MSRA: variants seen among roughly 807,000 people sequenced by gnomAD.
MSRA encodes mitochondrial peptide methionine sulfoxide reductase.
A neutral mutation model predicts 31.3 loss-of-function variants in MSRA; 54 were observed. The observed-to-expected ratio is 1.73, with a 90% CI of 1.39 to 2.17. MSRA has a LOEUF of 2.17. Among genes scored for constraint, MSRA ranks in the 30% most tolerant of loss-of-function variants. The probability of loss-of-function intolerance (pLI) is 0.00; values close to 1 mark genes in which losing one functional copy is unlikely to be tolerated. For missense variants in MSRA, 507 were observed against 300.9 expected, an observed-to-expected ratio of 1.69 and a Z score of -5.07; for synonymous variants, 169 against 116.5, an observed-to-expected ratio of 1.45 and a Z score of -2.90.
At chr8:10,423,372 C>T (rs1808929843) in intron 5 of MSRA, among the ~76,000 whole-genome samples, 1 of 152,198 alleles carries the variant, frequency 6.6e-6, no homozygotes. Context: ...TACCTAGGAA[C>T]CCCTGCCCCA....
At chr8:10,066,579 G>A (rs889736266) in intron 1 of MSRA, among the ~76,000 whole-genome samples, 2 of 152,164 alleles carry the variant, frequency 1.3e-5, no homozygotes, top group Non-Finnish European at 2.9e-5. Flanking sequence ...TGTTACCCAT[G>A]CTGGAGTGCA....
At chr8:10,250,744 T>C (rs1797873398) in intron 3 of MSRA, 2 of 461,532 alleles carry the variant, frequency 4.3e-6, no homozygotes, top group Admixed American at 3.6e-5. Context: ...ATATTTACTG[T>C]CAGGTGCTTA....
At chr8:10,175,100 C>T (rs1003620510) in intron 1 of MSRA, among the ~76,000 whole-genome samples, 4 of 152,156 alleles carry the variant, frequency 2.6e-5, no homozygotes, top group Non-Finnish European at 4.4e-5. Flanking sequence ...TAGCCCCTTT[C>T]CCACAACTTT....
At chr8:10,223,794 G>A (rs1810737565) in intron 2 of MSRA, among the ~76,000 whole-genome samples, 1 of 152,138 alleles carries the variant, frequency 6.6e-6, no homozygotes, top group African/African-American at 2.4e-5. Flanking sequence ...TCAAGACCAT[G>A]GTACAAAAGA....
At chr8:10,082,082 C>T (rs73526799) in intron 1 of MSRA, among the ~76,000 whole-genome samples, 9,295 of 151,984 alleles carry the variant, frequency 0.061, 932 homozygotes, top group African/African-American at 0.21. Context: ...GGTGTGCACC[C>T]GTAGTCCCAG....
intron 3 of MSRA, 103 bp downstream of exon 3, chr8:10,245,326 A>AAAAC: frequency 9.0e-7 from 1 of 1,114,400 alleles, no homozygotes; most frequent in Non-Finnish European, 1.3e-6. Flanking sequence ...TTTTTTTAAA[A>AAAAC]ATGTTTCTTC....
At chr8:10,293,797 C>G (rs752486911) in intron 3 of MSRA, among the ~76,000 whole-genome samples, 27 of 152,112 alleles carry the variant, frequency 1.8e-4, no homozygotes, top group Non-Finnish European at 2.2e-4. Context: ...CTGTGAGTCT[C>G]CTGATGACTG....
chr8:10,339,417 T>C (rs1403001695), intron 5 of MSRA, among the ~76,000 whole-genome samples: 10 of 152,156 alleles, frequency 6.6e-5, no homozygotes, highest in Admixed American at 6.5e-4. Flanking sequence ...TGGATCTATT[T>C]AGATGTCAAC....
intron 1 of MSRA, among the ~76,000 whole-genome samples, chr8:10,200,849 C>G (rs533838536): frequency 1.3e-5 from 2 of 152,154 alleles, no homozygotes; most frequent in African/African-American, 2.4e-5. Context: ...TCTCAGAGCC[C>G]CTGCCCCAGA....
chr8:10,196,772 A>G (rs1320374068), intron 1 of MSRA, among the ~76,000 whole-genome samples: 1 of 151,506 alleles, frequency 6.6e-6, no homozygotes, highest in Non-Finnish European at 1.5e-5. Context: ...GGGTTTCACC[A>G]TGTTGGCCAG....
chr8:10,116,668 A>G (rs1034646577), intron 1 of MSRA, among the ~76,000 whole-genome samples: 1 of 152,072 alleles, frequency 6.6e-6, no homozygotes, highest in African/African-American at 2.4e-5. Flanking sequence ...GTCATTGTAG[A>G]TTTTACATAT....
chr8:10,158,954 G>C (rs898553622), intron 1 of MSRA, among the ~76,000 whole-genome samples: 3 of 152,150 alleles, frequency 2.0e-5, no homozygotes, highest in Non-Finnish European at 4.4e-5. Flanking sequence ...TTGTAATTTT[G>C]ATTTGTATTT....
At chr8:10,213,051 C>T (rs1274180678) in intron 2 of MSRA, among the ~76,000 whole-genome samples, 1 of 152,142 alleles carries the variant, frequency 6.6e-6, no homozygotes, top group Non-Finnish European at 1.5e-5. Flanking sequence ...TCCAATTATA[C>T]TCTTAGTTAT....
intron 1 of MSRA, among the ~76,000 whole-genome samples, chr8:10,119,477 C>A (rs934345313): frequency 1.3e-5 from 2 of 152,120 alleles, no homozygotes; most frequent in African/African-American, 4.8e-5. Context: ...TGATTGAAGT[C>A]TGGAGTGATT....
At chr8:10,295,856 TGACAGGGTGCGATGGGAAACG>T (rs1800511772) in intron 3 of MSRA, among the ~76,000 whole-genome samples, 1 of 152,132 alleles carries the variant, frequency 6.6e-6, no homozygotes, top group Non-Finnish European at 1.5e-5. Flanking sequence ...AGGAAGTCGT[TGACAGGGTGCGATGGGAAACG>T]GCCTCTCCAG....
At chr8:10,206,452 G>A (rs1808983263) in intron 1 of MSRA, among the ~76,000 whole-genome samples, 1 of 152,198 alleles carries the variant, frequency 6.6e-6, no homozygotes, top group Non-Finnish European at 1.5e-5. Context: ...ACCAGTGGAA[G>A]CCCCAGAAGG....
intron 3 of MSRA, among the ~76,000 whole-genome samples, chr8:10,290,761 A>C (rs1800190847): frequency 6.6e-6 from 1 of 152,234 alleles, no homozygotes; most frequent in African/African-American, 2.4e-5. Context: ...AGTAGCATCA[A>C]GGAATCATAG....
At chr8:10,375,345 G>T (rs936050533) in intron 5 of MSRA, among the ~76,000 whole-genome samples, 1 of 152,192 alleles carries the variant, frequency 6.6e-6, no homozygotes, top group African/African-American at 2.4e-5. Flanking sequence ...AAGGACAGCT[G>T]GTATGGATCT....
At chr8:10,395,138 T>C (rs1036172752) in intron 5 of MSRA, among the ~76,000 whole-genome samples, 3 of 152,156 alleles carry the variant, frequency 2.0e-5, no homozygotes, top group African/African-American at 7.2e-5. Context: ...GGAGGAAGCG[T>C]TGGAGCCTAG....
Sources: gnomAD v4.1 joint callset for allele counts (sites outside exome capture counted in the v4.1 genomes callset) on GRCh38, gnomAD v4.1.1 for gene constraint, MANE v1.5 for transcripts, NCBI Gene and HGNC (gene_info 2026-07-23, HGNC 2026-07-21) for gene names.